Variants in TTC28 observed in about 807,000 individuals in gnomAD.
TTC28 encodes tetratricopeptide repeat protein 28.
A neutral mutation model predicts 198.0 loss-of-function variants in TTC28; 61 were observed. The observed-to-expected ratio is 0.31, with a 90% CI of 0.25 to 0.38. TTC28 has a LOEUF of 0.38. Ranked by LOEUF, TTC28 falls within the 10% of genes least tolerant of loss-of-function variation. TTC28 has a pLI of 1.00. For missense variants in TTC28, 2,678 were observed against 3,164.0 expected, an observed-to-expected ratio of 0.85 and a Z score of 3.69; for synonymous variants, 1,171 against 1,297.8, an observed-to-expected ratio of 0.90 and a Z score of 2.10.
intron 2 of TTC28, among the ~76,000 whole-genome samples, chr22:28,458,753 C>A (rs933931048): frequency 6.6e-6 from 1 of 151,684 alleles, no homozygotes; most frequent in Admixed American, 6.6e-5. Flanking sequence ...TGGTGGCGGG[C>A]GCCTGTAGTC....
chr22:28,269,728 G>C (rs1931928533), intron 5 of TTC28, among the ~76,000 whole-genome samples: 1 of 152,198 alleles, frequency 6.6e-6, no homozygotes, highest in Non-Finnish European at 1.5e-5. Context: ...TATGAAACAG[G>C]AGAGGAGGGG....
intron 2 of TTC28, among the ~76,000 whole-genome samples, chr22:28,515,974 G>A (rs965118924): frequency 2.8e-4 from 42 of 151,878 alleles, no homozygotes; most frequent in African/African-American, 9.2e-4. Context: ...GCGAAACACC[G>A]TCTCTACTAA....
chr22:28,125,424 C>A (rs1408919918), intron 6 of TTC28, among the ~76,000 whole-genome samples: 1 of 152,204 alleles, frequency 6.6e-6, no homozygotes, highest in Admixed American at 6.5e-5. Flanking sequence ...CGGCTTCCTG[C>A]TCACAACCTC....
chr22:28,192,893 C>G (rs1924974238), intron 5 of TTC28, among the ~76,000 whole-genome samples: 1 of 152,164 alleles, frequency 6.6e-6, no homozygotes. Flanking sequence ...GAGAACTTCC[C>G]CAACCTAGCA....
At chr22:28,101,347 T>C (rs944562356) in intron 8 of TTC28, 67 bp from the exon 9 acceptor site, 1 of 1,277,670 alleles carries the variant, frequency 7.8e-7, no homozygotes, top group African/African-American at 1.5e-5. Flanking sequence ...TAAGGAGTCC[T>C]GAAGGGTCAT....
intron 2 of TTC28, among the ~76,000 whole-genome samples, chr22:28,566,984 A>G (rs138227389): frequency 0.017 from 2,620 of 152,178 alleles, 77 homozygotes; most frequent in African/African-American, 0.059. Context: ...TGGGAGGCCA[A>G]GGCTGGCGGA....
At chr22:28,313,636 C>G (rs112655575) in intron 2 of TTC28, among the ~76,000 whole-genome samples, 3,248 of 152,168 alleles carry the variant, frequency 0.021, 30 homozygotes, top group Non-Finnish European at 0.026. Context: ...AATAGAGGCA[C>G]GAAAGGCCTT....
At chr22:28,318,073 A>ATTT (rs35011623) in intron 2 of TTC28, among the ~76,000 whole-genome samples, 1 of 139,808 alleles carries the variant, frequency 7.2e-6, no homozygotes, top group Non-Finnish European at 1.6e-5. Flanking sequence ...CAGCTAATTA[A>ATTT]TTTTTTTTTT....
chr22:28,366,980 A>T (rs914992098), intron 2 of TTC28, among the ~76,000 whole-genome samples: 2 of 152,108 alleles, frequency 1.3e-5, no homozygotes, highest in African/African-American at 4.8e-5. Context: ...ACCCCAATAC[A>T]ATCATAGCTG....
chr22:28,669,189 T>C (rs1448554274), intron 1 of TTC28, among the ~76,000 whole-genome samples: 1 of 132,268 alleles, frequency 7.6e-6, no homozygotes, highest in Non-Finnish European at 1.6e-5. Context: ...CATTGGGAGA[T>C]ATACCTAATG....
chr22:28,077,154 A>C (rs548732541), intron 12 of TTC28, among the ~76,000 whole-genome samples: 2 of 151,668 alleles, frequency 1.3e-5, no homozygotes, highest in East Asian at 1.9e-4. Context: ...TTATTCATCT[A>C]CTCTCTCACT....
At chr22:28,548,796 T>C (rs2049597268) in intron 2 of TTC28, among the ~76,000 whole-genome samples, 2 of 152,318 alleles carry the variant, frequency 1.3e-5, no homozygotes, top group South Asian at 2.1e-4. Flanking sequence ...ATAAACATGT[T>C]TCCTTACCCC....
intron 21 of TTC28, 47 bp downstream of exon 21, chr22:27,989,831 A>G (rs1373137001): frequency 1.3e-6 from 2 of 1,525,974 alleles, no homozygotes; most frequent in Admixed American, 2.1e-5. Context: ...CAGAGATTTA[A>G]AAGATGGAAT....
chr22:28,508,104 C>A (rs576172561), intron 2 of TTC28, among the ~76,000 whole-genome samples: 3 of 152,112 alleles, frequency 2.0e-5, no homozygotes, highest in African/African-American at 2.4e-5. Context: ...TTAAAAGACA[C>A]AGATGGAAAG....
intron 6 of TTC28, among the ~76,000 whole-genome samples, chr22:28,122,684 T>TA (rs370707633): frequency 3.9e-5 from 6 of 152,158 alleles, no homozygotes; most frequent in African/African-American, 9.7e-5. Context: ...CAGATAATAA[T>TA]AAAAAAGACT....
intron 5 of TTC28, among the ~76,000 whole-genome samples, chr22:28,201,083 A>C (rs1455346776): frequency 6.6e-6 from 1 of 152,160 alleles, no homozygotes; most frequent in Non-Finnish European, 1.5e-5. Context: ...GGATAGTGTT[A>C]TCTCACTTCA....
intron 2 of TTC28, among the ~76,000 whole-genome samples, chr22:28,561,610 C>T (rs2049882498): frequency 6.6e-6 from 1 of 152,088 alleles, no homozygotes; most frequent in Non-Finnish European, 1.5e-5. Flanking sequence ...TCAACAGTTC[C>T]CCATCGCCTC....
intron 2 of TTC28, among the ~76,000 whole-genome samples, chr22:28,507,461 T>A (rs1250750033): frequency 6.6e-6 from 1 of 152,102 alleles, no homozygotes; most frequent in Non-Finnish European, 1.5e-5. Context: ...ACAGGGAGAA[T>A]GGAACCAAGT....
At chr22:28,508,731 T>A (rs1568987097) in intron 2 of TTC28, among the ~76,000 whole-genome samples, 1 of 152,150 alleles carries the variant, frequency 6.6e-6, no homozygotes, top group Non-Finnish European at 1.5e-5. Flanking sequence ...ATAAAGCAAG[T>A]TCTTAGAGAC....
Sources: gnomAD v4.1 joint callset for allele counts (sites outside exome capture counted in the v4.1 genomes callset) on GRCh38, gnomAD v4.1.1 for gene constraint, MANE v1.5 for transcripts, NCBI Gene and HGNC (gene_info 2026-07-23, HGNC 2026-07-21) for gene names.